DIAPH2: variants seen among roughly 807,000 people sequenced by gnomAD.
DIAPH2 encodes protein diaphanous homolog 2.
A neutral mutation model predicts 92.7 loss-of-function variants in DIAPH2; 35 were observed. That is an observed-to-expected ratio of 0.38 (90% CI 0.29 to 0.50). The LOEUF is 0.50. DIAPH2 is among the 20% of genes least tolerant of loss of function. The pLI is 0.94. For synonymous variants in DIAPH2, 301 were observed against 280.4 expected (o/e 1.07, Z -0.73); for missense variants, 701 against 819.5 (o/e 0.86, Z 1.77).
intron 23 of DIAPH2, among the ~76,000 whole-genome samples, chrX:97,343,537 C>G (rs1047240393): frequency 2.7e-5 from 3 of 110,955 alleles, no homozygotes; most frequent in African/African-American, 9.9e-5. Context: ...GGCATGGTGG[C>G]ATGCGCCTGT....
intron 5 of DIAPH2, among the ~76,000 whole-genome samples, chrX:96,902,904 C>T (rs2065407760): frequency 9.0e-6 from 1 of 111,245 alleles, no homozygotes; most frequent in Non-Finnish European, 1.9e-5. Flanking sequence ...CATTGAGGAC[C>T]CAAGAAAATG....
intron 22 of DIAPH2, among the ~76,000 whole-genome samples, chrX:97,170,406 A>T (rs1397450901): frequency 8.9e-6 from 1 of 112,285 alleles, no homozygotes; most frequent in African/African-American, 3.2e-5. Flanking sequence ...ATATCCTGCA[A>T]GCCATCTGAT....
chrX:97,292,657 C>G (rs1189176125), intron 23 of DIAPH2, among the ~76,000 whole-genome samples: 5 of 109,142 alleles, frequency 4.6e-5, no homozygotes, highest in Non-Finnish European at 9.5e-5. Flanking sequence ...AGCGATTCCC[C>G]TGCCTCAGCC....
At chrX:97,128,163 C>A (rs889658663) in intron 21 of DIAPH2, among the ~76,000 whole-genome samples, 1 of 111,834 alleles carries the variant, frequency 8.9e-6, no homozygotes, top group Non-Finnish European at 1.9e-5. Flanking sequence ...CTGAGGGCTG[C>A]TGGTTGCCCA....
intron 26 of DIAPH2, among the ~76,000 whole-genome samples, chrX:97,454,992 A>C (rs1480481267): frequency 8.9e-6 from 1 of 112,636 alleles, no homozygotes; most frequent in African/African-American, 3.2e-5. Context: ...AGCACAGCAC[A>C]GTATTTGATG....
intron 17 of DIAPH2, among the ~76,000 whole-genome samples, chrX:96,975,389 C>T (rs759254767): frequency 8.0e-5 from 9 of 111,873 alleles, no homozygotes; most frequent in Non-Finnish European, 1.1e-4. Context: ...TTGCAATTGA[C>T]TTGAAATTAA....
intron 4 of DIAPH2, among the ~76,000 whole-genome samples, chrX:96,814,902 G>A (rs968678749): frequency 1.8e-5 from 2 of 111,458 alleles, no homozygotes; most frequent in African/African-American, 6.5e-5. Context: ...TCGTCTGGAA[G>A]CTTTGTCCTG....
chrX:96,971,252 A>G (rs1180403304), intron 17 of DIAPH2, among the ~76,000 whole-genome samples: 1 of 112,158 alleles, frequency 8.9e-6, no homozygotes, highest in Non-Finnish European at 1.9e-5. Flanking sequence ...ATAAATTCAC[A>G]CATACTTGCA....
At chrX:97,540,686 A>T (rs1365554557) in intron 26 of DIAPH2, among the ~76,000 whole-genome samples, 1 of 112,264 alleles carries the variant, frequency 8.9e-6, no homozygotes, top group African/African-American at 3.2e-5. Flanking sequence ...AGAAGATATA[A>T]ATAAATATAC....
chrX:96,837,443 G>C (rs1444836943), intron 4 of DIAPH2, among the ~76,000 whole-genome samples: 2 of 102,127 alleles, frequency 2.0e-5, no homozygotes, highest in Non-Finnish European at 4.0e-5. Flanking sequence ...CTGTGTGTGT[G>C]TGTGTGTGTG....
At chrX:96,973,485 C>T (rs1208762343) in intron 17 of DIAPH2, among the ~76,000 whole-genome samples, 2 of 110,966 alleles carry the variant, frequency 1.8e-5, no homozygotes, top group Non-Finnish European at 3.8e-5. Flanking sequence ...ATGGCAGAGT[C>T]TCAAAAGAAA....
intron 4 of DIAPH2, among the ~76,000 whole-genome samples, chrX:96,810,616 T>A (rs1198380214): frequency 8.9e-6 from 1 of 111,774 alleles, no homozygotes; most frequent in African/African-American, 3.3e-5. Context: ...TGAATGGTAT[T>A]GCCTAGGTTT....
intron 4 of DIAPH2, among the ~76,000 whole-genome samples, chrX:96,812,910 T>C (rs1463185760): frequency 8.9e-6 from 1 of 111,913 alleles, no homozygotes; most frequent in Admixed American, 9.5e-5. Context: ...TTCTGTTCTT[T>C]TACATTTGCT....
chrX:97,514,408 C>G (rs1364778259), intron 26 of DIAPH2, among the ~76,000 whole-genome samples: 1 of 112,049 alleles, frequency 8.9e-6, no homozygotes, highest in Non-Finnish European at 1.9e-5. Flanking sequence ...GTTATACATT[C>G]TTCTAAATTT....
chrX:96,876,497 C>T (rs1474218285), intron 4 of DIAPH2, among the ~76,000 whole-genome samples: 1 of 111,753 alleles, frequency 8.9e-6, no homozygotes, highest in Non-Finnish European at 1.9e-5. Flanking sequence ...ATAGCAAAGA[C>T]CTGGAACCAA....
intron 26 of DIAPH2, among the ~76,000 whole-genome samples, chrX:97,568,366 A>G (rs955654787): frequency 9.0e-6 from 1 of 111,022 alleles, no homozygotes; most frequent in Admixed American, 9.6e-5. Context: ...AACACAAACA[A>G]GGACAGTTTT....
At chrX:97,354,615 C>CCACCT (rs202058661) in intron 24 of DIAPH2, among the ~76,000 whole-genome samples, 1,880 of 112,579 alleles carry the variant, frequency 0.017, 44 homozygotes, top group African/African-American at 0.057. Flanking sequence ...CTCAGGTGAT[C>CCACCT]CACCTGCCTC....
intron 26 of DIAPH2, among the ~76,000 whole-genome samples, chrX:97,496,677 G>A (rs756470469): frequency 3.2e-5 from 2 of 63,342 alleles, no homozygotes; most frequent in African/African-American, 1.3e-4. Context: ...TTTTTTTTCC[G>A]AGACGGAGTT....
chrX:97,496,168 CTTTTTTT>C (rs10632820), intron 26 of DIAPH2, among the ~76,000 whole-genome samples: 16 of 54,089 alleles, frequency 3.0e-4, no homozygotes, highest in African/African-American at 1.2e-3. Context: ...GAATTGGTAC[CTTTTTTT>C]TTTTTTTTTT....
Sources: gnomAD v4.1 joint callset for allele counts (sites outside exome capture counted in the v4.1 genomes callset) on GRCh38, gnomAD v4.1.1 for gene constraint, MANE v1.5 for transcripts, NCBI Gene and HGNC (gene_info 2026-07-23, HGNC 2026-07-21) for gene names.